Variants in APOLD1 observed in about 807,000 individuals in gnomAD.
APOLD1 encodes the protein apolipoprotein L domain-containing protein 1.
APOLD1 carries 22 observed loss-of-function variants against 15.3 expected under a neutral mutation model. The ratio of observed to expected loss-of-function variants is 1.44; its 90% CI spans 1.03 to 2.05. The LOEUF is 2.05. Among genes scored for constraint, APOLD1 ranks in the 30% most tolerant of loss-of-function variants. APOLD1 has a pLI of 0.00. For missense variants in APOLD1, 394 were observed against 353.5 expected, an observed-to-expected ratio of 1.11 and a Z score of -0.92; for synonymous variants, 190 against 167.4, an observed-to-expected ratio of 1.13 and a Z score of -1.04.
intron 1 of APOLD1, among the ~76,000 whole-genome samples, chr12:12,765,787 T>C (rs1032428451): frequency 1.3e-5 from 2 of 152,200 alleles, no homozygotes; most frequent in Non-Finnish European, 2.9e-5. Context: ...TTAGGATCTC[T>C]TGAGCCTGGT....
intron 1 of APOLD1, among the ~76,000 whole-genome samples, chr12:12,778,927 G>A (rs1369194665): frequency 6.6e-6 from 1 of 152,140 alleles, no homozygotes; most frequent in African/African-American, 2.4e-5. Flanking sequence ...GGCCACAGAT[G>A]AAAGCCTTCA....
At chr12:12,763,342 T>C (rs1946916830) in intron 1 of APOLD1, among the ~76,000 whole-genome samples, 1 of 152,114 alleles carries the variant, frequency 6.6e-6, no homozygotes, top group African/African-American at 2.4e-5. Context: ...GAAAAATTGG[T>C]TCCGGGACAC....
Position 12,787,324 on chromosome 12 carries a change from T to G in APOLD1, c.419T>G (p.Phe140Cys). 1 of 1,613,524 alleles carries G rather than the reference T, an allele frequency of 6.2e-7. No individual in the cohort carries two copies. Among genetic ancestry groups the G allele is most frequent in the African/African-American group, 1.3e-5 (1 of 75,020 alleles). The change falls in exon 2 of 2, where the codon TTT (phenylalanine) becomes TGT (cysteine). Residue 140 changes from phenylalanine to cysteine, a missense_variant. Phe to Cys is a radical substitution (Grantham distance 205). Transcript: ENST00000356591. The surrounding 1 kb of genome is among the most constrained non-coding windows in gnomAD (Gnocchi z 4.9). ...QMREILSCLE[F>C]FCRWQGCGDR... ...CGAGAGATCCTGAGCTGCCTCGAGT[T>G]TTTCTGCCGCTGGCAGGGCTGCGGG...
intron 1 of APOLD1, among the ~76,000 whole-genome samples, chr12:12,754,908 ATGG>A (rs1946845298): frequency 6.6e-6 from 1 of 150,594 alleles, no homozygotes; most frequent in Non-Finnish European, 1.5e-5. Flanking sequence ...TTAGCCAAGC[ATGG>A]TGGCACACAC....
intron 1 of APOLD1, among the ~76,000 whole-genome samples, chr12:12,766,458 C>A (rs1946943192): frequency 2.0e-5 from 3 of 152,104 alleles, no homozygotes; most frequent in South Asian, 4.1e-4. Context: ...GATTGATGAG[C>A]TAAAAATCAC....
chr12:12,726,242 A>C lies in APOLD1; in HGVS notation c.96+146A>C, dbSNP rs568106214. The C allele has an allele frequency of 1.9e-4, 142 of 738,696 alleles. 2 individuals carry two copies. In the South Asian group the frequency reaches 2.3e-3, roughly 12 times the overall value. 45.8% of individuals were successfully genotyped at this position (738,696 alleles called of 1,614,324 possible). On this transcript the variant is annotated intron_variant, in intron 1 of 1. Coordinates refer to the APOLD1 transcript ENST00000326765. ...ACTCAGAACCCATCATAATTCAGCC[A>C]GTCGGTGTCATTTTTATTGAATTAA...
rs965149279 is a variant in APOLD1, at chr12:12,763,641, G to A, written c.97-23268G>A. Among the ~76,000 whole-genome samples the A allele has an allele frequency of 1.6e-4, 24 of 152,100 alleles. 1 individual carries two copies. On this transcript the variant is annotated intron_variant, in intron 1 of 1. Coordinates refer to the APOLD1 transcript ENST00000326765. ...ATCTGGAGATGATTTAAAGGATAGG[G>A]AGGATGTACATAGGTTATATGCAAA...
chr12:12,781,996 C>T (rs191223735), upstream of APOLD1, among the ~76,000 whole-genome samples: 4 of 151,686 alleles, frequency 2.6e-5, no homozygotes, highest in African/African-American at 9.7e-5. Flanking sequence ...TGGTGGCTCA[C>T]GCCTGTAATC....
rs1359434482 is a variant in APOLD1, at chr12:12,787,255, T to C, written c.350T>C (p.Leu117Pro). 1 of 1,583,962 alleles carries C rather than the reference T, an allele frequency of 6.3e-7. No homozygotes were observed. Among genetic ancestry groups the C allele is most frequent in the Admixed American group, 1.7e-5 (1 of 57,192 alleles). Residue 117 changes from leucine to proline, a missense_variant, in exon 2 of 2, where the codon CTG becomes CCG. Leu to Pro is a moderately conservative substitution (Grantham distance 98). Transcript: ENST00000356591. This position sits in a 1 kb window ranked among gnomAD's most constrained non-coding sequence, Gnocchi z 4.9. ...LSLIFCNSRE[L>P]RRVQEIAATC... ...CTGATCTTCTGCAACTCCCGGGAGC[T>C]GCGGAGGGTGCAGGAGATCGCGGCC...
intron 1 of APOLD1, among the ~76,000 whole-genome samples, chr12:12,754,593 G>A (rs967216696): frequency 1.3e-5 from 2 of 151,896 alleles, no homozygotes; most frequent in Non-Finnish European, 2.9e-5. Flanking sequence ...TGACTACCTG[G>A]CTAATTTTTG....
chr12:12,778,143 G>C (rs905592286), intron 1 of APOLD1, among the ~76,000 whole-genome samples: 1 of 151,530 alleles, frequency 6.6e-6, no homozygotes, highest in Non-Finnish European at 1.5e-5. Context: ...ATGTTCCCCA[G>C]GCTGGTCTTA....
At chr12:12,762,570 G>T (rs753420747) in intron 1 of APOLD1, among the ~76,000 whole-genome samples, 1 of 151,776 alleles carries the variant, frequency 6.6e-6, no homozygotes, top group African/African-American at 2.4e-5. Flanking sequence ...AGCTAGGCTG[G>T]TCTTGAACTC....
At chr12:12,774,222 A>G (rs1032032400) in intron 1 of APOLD1, among the ~76,000 whole-genome samples, 2 of 152,268 alleles carry the variant, frequency 1.3e-5, no homozygotes, top group Non-Finnish European at 2.9e-5. Flanking sequence ...CAAAATATAC[A>G]AAGAACTCTT....
chr12:12,783,087 T>C (rs1947096938), upstream of APOLD1, among the ~76,000 whole-genome samples: 1 of 151,952 alleles, frequency 6.6e-6, no homozygotes, highest in South Asian at 2.1e-4. Flanking sequence ...ACGCCTGTAA[T>C]CCCAGCTTCT....
intron 1 of APOLD1, among the ~76,000 whole-genome samples, chr12:12,732,025 T>A (rs1460910793): frequency 1.3e-5 from 2 of 152,246 alleles, no homozygotes; most frequent in African/African-American, 2.4e-5. Context: ...GCTGATGCTC[T>A]CAACACATCC....
chr12:12,785,474 T>C (rs1382579965), upstream of APOLD1: 1 of 646,172 alleles, frequency 1.5e-6, no homozygotes, highest in Non-Finnish European at 2.6e-6. Flanking sequence ...GAACACACAA[T>C]GTTCGTTTCC....
At chr12:12,758,652 C>G (rs191597485) in intron 1 of APOLD1, among the ~76,000 whole-genome samples, 1 of 152,148 alleles carries the variant, frequency 6.6e-6, no homozygotes, top group Non-Finnish European at 1.5e-5. Context: ...TTTATCCATC[C>G]GTAAATGTGA....
In APOLD1 at chr12:12,747,889, C is replaced by T. The variant is rs191112452; in HGVS notation, c.96+21793C>T. Among the ~76,000 whole-genome samples the T allele has an allele frequency of 9.2e-5, 14 of 152,140 alleles. No homozygotes were observed. The East Asian group carries it at 1.5e-3, about 17-fold the overall frequency. The stretch of plus-strand genomic sequence containing the variant: ...TGGGTCTTGTTCTTGGTATGTGTGC[C>T]GGACATGTTAATCTTGGCAGTTTGT... On this transcript the variant is annotated intron_variant, in intron 1 of 1. Transcript: ENST00000326765.
At chr12:12,767,428 G>A (rs1032749817) in intron 1 of APOLD1, among the ~76,000 whole-genome samples, 2 of 152,140 alleles carry the variant, frequency 1.3e-5, no homozygotes, top group Non-Finnish European at 2.9e-5. Context: ...TTGGGAGGCC[G>A]AGGTGGGTGG....
Sources: gnomAD v4.1 joint callset for allele counts (sites outside exome capture counted in the v4.1 genomes callset) on GRCh38, gnomAD v4.1.1 for gene constraint, Gnocchi (gnomAD v3.1) non-coding constraint, MANE v1.5 for transcripts, NCBI Gene and HGNC (gene_info 2026-07-23, HGNC 2026-07-21) for gene names.